The following STOX2 variants were observed in gnomAD, a reference collection of about 807,000 sequenced individuals.
STOX2 encodes the protein storkhead box 2, also known as storkhead-box protein 2.
STOX2 carries 28 observed loss-of-function variants against 60.9 expected under a neutral mutation model. That is an observed-to-expected ratio of 0.46 (90% CI 0.34 to 0.63). The LOEUF (loss-of-function observed/expected upper bound fraction) is 0.63, where lower values mean the gene tolerates loss of function less well. Ranked by LOEUF, STOX2 falls within the 30% of genes least tolerant of loss-of-function variation. The pLI, the probability that STOX2 is intolerant of heterozygous loss-of-function variation, is 0.01. For missense variants in STOX2, 1,024 were observed against 1,187.7 expected, an observed-to-expected ratio of 0.86 and a Z score of 2.03; for synonymous variants, 472 against 463.9, an observed-to-expected ratio of 1.02 and a Z score of -0.22.
At chr4:183,885,015 A>G (rs572857101) in intron 1 of STOX2, among the ~76,000 whole-genome samples, 10 of 152,270 alleles carry the variant, frequency 6.6e-5, no homozygotes, top group South Asian at 2.1e-4. Flanking sequence ...CAGCGCAGAG[A>G]CATGTGAGCT....
chr4:183,825,996 T>G lies in STOX2; in HGVS notation c.364+27941T>G, dbSNP rs1018626703. ...ATCTATCACCTCTTCTTCTGCTCTT[T>G]CCTGTTTGTCTAATCTAGAAGTTCT... On this transcript the variant is annotated intron_variant, in intron 1 of 2. Transcript: ENST00000513034. This position sits in a 1 kb window ranked among gnomAD's most constrained non-coding sequence, Gnocchi z 4.1. Among the ~76,000 whole-genome samples, 5 of 152,122 alleles carry G rather than the reference T, an allele frequency of 3.3e-5. No individual in the cohort carries two copies. The highest frequency in any genetic ancestry group is 7.4e-5 in the Non-Finnish European group (5 of 68,022).
At chr4:183,967,218 C>A (rs532892045) in intron 1 of STOX2, among the ~76,000 whole-genome samples, 2 of 151,838 alleles carry the variant, frequency 1.3e-5, no homozygotes, top group East Asian at 1.9e-4. Flanking sequence ...CAAAATTAGC[C>A]GGGTGTGGTG....
At position 183,921,753 on chromosome 4, in the gene STOX2, C is replaced by A. The variant is rs575824708; in HGVS notation, c.166+14797C>A. On this transcript the variant is annotated intron_variant, in intron 1 of 3. Transcript: ENST00000308497. Reference sequence around the variant, plus strand: ...AAATACGGTATATATTTCTAAAAGACCAAAATTGCTTTTAAACAATATATA... The same window carrying A: ...AAATACGGTATATATTTCTAAAAGAACAAAATTGCTTTTAAACAATATATA... Among the ~76,000 whole-genome samples, 135 of 152,146 alleles carry A rather than the reference C, an allele frequency of 8.9e-4. 3 individuals are homozygous for A. The South Asian group carries it at 0.015, about 17-fold the overall frequency.
chr4:183,881,113 G>T (rs1206304095), intron 1 of STOX2, among the ~76,000 whole-genome samples: 1 of 152,154 alleles, frequency 6.6e-6, no homozygotes, highest in East Asian at 1.9e-4. Context: ...TTCCCCAAGG[G>T]CTGCTGAAGT....
At chr4:183,881,167 A>G (rs990466098) in intron 1 of STOX2, among the ~76,000 whole-genome samples, 2 of 152,178 alleles carry the variant, frequency 1.3e-5, no homozygotes, top group African/African-American at 4.8e-5. Flanking sequence ...GTGCAGCCAC[A>G]CCATCAAGAG....
At chr4:183,845,755 C>T (rs1739970012) in intron 1 of STOX2, among the ~76,000 whole-genome samples, 1 of 152,206 alleles carries the variant, frequency 6.6e-6, no homozygotes, top group Non-Finnish European at 1.5e-5. Flanking sequence ...TATTAAGTTA[C>T]ATCTTTATAC....
At chr4:183,832,617 A>G (rs888930111) in intron 1 of STOX2, among the ~76,000 whole-genome samples, 2 of 151,192 alleles carry the variant, frequency 1.3e-5, no homozygotes, top group Non-Finnish European at 2.9e-5. Flanking sequence ...CAGCCTCCCA[A>G]GTAACTGGGA....
intron 1 of STOX2, among the ~76,000 whole-genome samples, chr4:183,972,271 A>C (rs1743766127): frequency 6.6e-6 from 1 of 152,138 alleles, no homozygotes; most frequent in Non-Finnish European, 1.5e-5. Flanking sequence ...CTGCCACTTG[A>C]CACCACATTG....
intron 1 of STOX2, chr4:183,853,731 C>T (rs909018759): frequency 6.6e-6 from 1 of 152,102 alleles, no homozygotes; most frequent in African/African-American, 2.4e-5. Context: ...CAAAGGAAAT[C>T]GAGAGAATAA....
intron 1 of STOX2, among the ~76,000 whole-genome samples, chr4:183,830,179 A>G (rs1180765280): frequency 3.3e-5 from 5 of 152,168 alleles, no homozygotes; most frequent in African/African-American, 4.8e-5. Context: ...CCAACAAGGT[A>G]TCTAGGGTCA....
At chr4:183,980,560 C>A (rs753818997) in intron 1 of STOX2, among the ~76,000 whole-genome samples, 1 of 152,154 alleles carries the variant, frequency 6.6e-6, no homozygotes, top group Admixed American at 6.5e-5. Context: ...ACTGGTTCAA[C>A]TGGGGACTGT....
intron 2 of STOX2, among the ~76,000 whole-genome samples, chr4:184,006,830 A>C (rs1231603480): frequency 8.9e-4 from 134 of 151,234 alleles, no homozygotes; most frequent in Middle Eastern, 3.4e-3. Flanking sequence ...TCCCGGCTAA[A>C]ACGGTGAAAC....
intron 1 of STOX2, chr4:183,798,089 T>G: frequency 1.6e-6 from 2 of 1,224,144 alleles, no homozygotes; most frequent in Non-Finnish European, 2.0e-6. Context: ...GTCCCGTCCC[T>G]TCCCACCGGA....
intron 1 of STOX2, among the ~76,000 whole-genome samples, chr4:183,838,417 T>G (rs953270444): frequency 6.6e-6 from 1 of 152,020 alleles, no homozygotes; most frequent in Non-Finnish European, 1.5e-5. Context: ...AACAATACTT[T>G]TATGGGTGTG....
chr4:184,016,958 TG>T, intron 3 of STOX2, 130 bp from the exon 4 acceptor site: 1 of 718,684 alleles, frequency 1.4e-6, no homozygotes, highest in Non-Finnish European at 2.2e-6. Context: ...TCAGTCGAGA[TG>T]TATATTGATA....
In STOX2 at chr4:184,022,855, A is replaced by G. The variant is rs369727379; in HGVS notation, c.*5571A>G. 6.6e-6 allele frequency: 1 copy of G among 152,216 alleles called. No individual in the cohort carries two copies. Among genetic ancestry groups the G allele is most frequent in the Non-Finnish European group, 1.5e-5 (1 of 68,050 alleles). The allele number at this position is 152,216 out of a possible 1,614,324, so 9.4% of individuals were successfully genotyped here. The stretch of plus-strand genomic sequence containing the variant: ...ACATTGGAAGGGCAGAACACTGTGC[A>G]GTATCGTGCACACTTGCTGGGTTAG... On this transcript the variant is annotated 3_prime_UTR_variant, in exon 4 of 4. Transcript: ENST00000308497.
At chr4:183,977,703 C>T (rs968019032) in intron 1 of STOX2, among the ~76,000 whole-genome samples, 2 of 152,116 alleles carry the variant, frequency 1.3e-5, no homozygotes, top group African/African-American at 4.8e-5. Flanking sequence ...TGGGTAGACA[C>T]CCAGTAGTGG....
intron 1 of STOX2, among the ~76,000 whole-genome samples, chr4:183,891,358 T>TTATATA (rs60300009): frequency 1.1e-4 from 9 of 85,150 alleles, no homozygotes; most frequent in African/African-American, 2.3e-4. Flanking sequence ...ATGATGGAAT[T>TTATATA]TATATATATA....
intron 1 of STOX2, among the ~76,000 whole-genome samples, chr4:183,837,257 C>CA (rs1223409388): frequency 1.3e-5 from 2 of 152,100 alleles, no homozygotes; most frequent in African/African-American, 4.8e-5. Flanking sequence ...AATTCAGTAA[C>CA]ATTAAATACA....
Sources: allele counts gnomAD v4.1 joint callset (sites outside exome capture counted in the v4.1 genomes callset), GRCh38; gene constraint gnomAD v4.1.1; non-coding constraint Gnocchi (gnomAD v3.1); transcripts MANE v1.5; gene names NCBI Gene and HGNC (gene_info 2026-07-23, HGNC 2026-07-21).